The following LMX1A variants were observed in gnomAD, a reference collection of about 807,000 sequenced individuals.
LMX1A encodes the protein LIM homeobox transcription factor 1 alpha, also known as LIM homeobox transcription factor 1-alpha.
In LMX1A, 15 loss-of-function variants were observed where a neutral mutation model predicts 49.1. The observed-to-expected ratio is 0.31, with a 90% CI of 0.20 to 0.47. The LOEUF (loss-of-function observed/expected upper bound fraction) is 0.47. Among genes scored for constraint, LMX1A ranks in the 20% least tolerant of loss-of-function variants. The pLI is 1.00. For missense variants in LMX1A, 372 were observed against 475.8 expected (o/e 0.78, Z 2.03); for synonymous variants, 167 against 185.7 (o/e 0.90, Z 0.82).
intron 4 of LMX1A, among the ~76,000 whole-genome samples, chr1:165,246,820 A>ACAAGCACTCAAGATATGTCAACTGAT (rs1652864579): frequency 6.7e-6 from 1 of 150,076 alleles, no homozygotes; most frequent in Non-Finnish European, 1.5e-5. Flanking sequence ...TGTCATTCAT[A>ACAAGCACTCAAGATATGTCAACTGAT]TTTTGACTCT....
chr1:165,313,888 G>A (rs1655146731), intron 3 of LMX1A, among the ~76,000 whole-genome samples: 1 of 152,118 alleles, frequency 6.6e-6, no homozygotes, highest in Non-Finnish European at 1.5e-5. Context: ...TATCCCTGCA[G>A]GTAACAACAA....
rs1650945523 is a variant in LMX1A, at chr1:165,203,755, C to T, written c.*125G>A. 6.9e-6 allele frequency: 5 copies of T among 727,940 alleles called. No homozygotes were observed. The highest frequency in any genetic ancestry group is 5.3e-4 in the Middle Eastern group (2 of 3,796). The allele number at this position is 727,940 out of a possible 1,614,324, so 45.1% of individuals were successfully genotyped here. A position where few individuals can be genotyped will look rare whatever the true frequency, so the allele number is the denominator to read the frequency against. ...GCTACACCATATCATTATACAACAG[C>T]ATCCCCAACAAAACTCCCTCCCCAA... On this transcript the variant is annotated 3_prime_UTR_variant, in exon 9 of 9. Transcript: ENST00000342310.
intron 3 of LMX1A, among the ~76,000 whole-genome samples, chr1:165,350,173 CAAA>C (rs60150264): frequency 0.15 from 11,806 of 80,826 alleles, 361 homozygotes; most frequent in Non-Finnish European, 0.18. Context: ...AAAGATCCAC[CAAA>C]AAAAAAAAAA....
chr1:165,264,930 G>T (rs983196481), intron 3 of LMX1A, among the ~76,000 whole-genome samples: 4 of 151,980 alleles, frequency 2.6e-5, no homozygotes, highest in Non-Finnish European at 5.9e-5. Flanking sequence ...AAGGCCGGGC[G>T]CGGTGGCTCA....
At chr1:165,283,679 T>A (rs1191385395) in intron 3 of LMX1A, among the ~76,000 whole-genome samples, 2 of 152,260 alleles carry the variant, frequency 1.3e-5, no homozygotes, top group Non-Finnish European at 2.9e-5. Flanking sequence ...GCTTGTTTTC[T>A]CCAACTCGAA....
intron 3 of LMX1A, among the ~76,000 whole-genome samples, chr1:165,344,735 C>G (rs1170431490): frequency 6.6e-6 from 1 of 152,228 alleles, no homozygotes; most frequent in Non-Finnish European, 1.5e-5. Context: ...TCCAGGCCAT[C>G]AGAGCACTTG....
At chr1:165,210,446 G>A (rs1275826202) in intron 6 of LMX1A, among the ~76,000 whole-genome samples, 1 of 152,190 alleles carries the variant, frequency 6.6e-6, no homozygotes, top group African/African-American at 2.4e-5. Context: ...TATTCATACA[G>A]ATGGCTGGCC....
chr1:165,254,459 A>C (rs1045177028), intron 3 of LMX1A, among the ~76,000 whole-genome samples: 1 of 152,062 alleles, frequency 6.6e-6, no homozygotes. Context: ...TCTGGGTTCA[A>C]ACCAGATCAA....
intron 3 of LMX1A, among the ~76,000 whole-genome samples, chr1:165,306,306 G>T (rs1338823792): frequency 6.6e-6 from 1 of 152,150 alleles, no homozygotes; most frequent in Non-Finnish European, 1.5e-5. Flanking sequence ...TTCCACTTAG[G>T]TTGGGTTCAC....
chr1:165,202,940 A>G lies in LMX1A; in HGVS notation c.*940T>C, dbSNP rs777419035. 6.5e-6 allele frequency: 1 copy of G among 152,792 alleles called. No homozygotes were observed. Among genetic ancestry groups the G allele is most frequent in the Non-Finnish European group, 1.5e-5 (1 of 68,056 alleles). 9.5% of individuals were successfully genotyped at this position (152,792 alleles called of 1,614,324 possible). ...TGCTCATGTGTCCTGGGAATGAATT[A>G]AGCCTTGGTGTTTCCCAGTGAGGTA... On this transcript the variant is annotated 3_prime_UTR_variant, in exon 9 of 9. Transcript: ENST00000342310.
intron 3 of LMX1A, among the ~76,000 whole-genome samples, chr1:165,288,960 T>C (rs1201809864): frequency 6.6e-6 from 1 of 152,166 alleles, no homozygotes; most frequent in Non-Finnish European, 1.5e-5. Context: ...CTAGGTAATA[T>C]CCAACTGGCA....
chr1:165,327,229 C>A (rs1345545291), intron 3 of LMX1A, among the ~76,000 whole-genome samples: 1 of 152,054 alleles, frequency 6.6e-6, no homozygotes. Context: ...GGGAAAGGAC[C>A]ACAGAGGGAC....
In LMX1A at chr1:165,280,185, C is replaced by T. The variant is rs1487082212; in HGVS notation, c.264-30545G>A. On this transcript the variant is annotated intron_variant, in intron 3 of 8. Coordinates refer to ENST00000342310, the MANE Select transcript of LMX1A (RefSeq NM_177398.4). ...AGATTCGGGCTTATTGAAGCACTGA[C>T]TTGCTTTGCAGCCAGGGTCCCCATC... Among the ~76,000 whole-genome samples the T allele has an allele frequency of 1.3e-5, 2 of 152,228 alleles. 1 individual carries two copies. The highest frequency in any genetic ancestry group is 1.3e-4 in the Admixed American group (2 of 15,290).
At chr1:165,204,715 T>C (rs1016191600) in intron 8 of LMX1A, among the ~76,000 whole-genome samples, 5 of 152,208 alleles carry the variant, frequency 3.3e-5, no homozygotes, top group Admixed American at 1.3e-4. Flanking sequence ...GCTTTAAATA[T>C]TCATTTTATG....
intron 8 of LMX1A, among the ~76,000 whole-genome samples, chr1:165,204,816 T>C (rs371172296): frequency 3.3e-5 from 5 of 152,208 alleles, no homozygotes; most frequent in African/African-American, 9.6e-5. Flanking sequence ...TGTTTTCCGA[T>C]AGCTGTGGAG....
At chr1:165,231,784 T>TA (rs34597024) in intron 4 of LMX1A, among the ~76,000 whole-genome samples, 4 of 151,694 alleles carry the variant, frequency 2.6e-5, no homozygotes, top group Non-Finnish European at 4.4e-5. Context: ...TTACCTGTTC[T>TA]AAAAAAAAAT....
intron 4 of LMX1A, among the ~76,000 whole-genome samples, chr1:165,231,075 T>A (rs1652222918): frequency 1.3e-5 from 2 of 151,042 alleles, no homozygotes; most frequent in African/African-American, 4.9e-5. Context: ...TAGAAATAAT[T>A]AGGTTTTTTA....
chr1:165,313,138 TC>T (rs1453268066), intron 3 of LMX1A, among the ~76,000 whole-genome samples: 5 of 152,178 alleles, frequency 3.3e-5, no homozygotes, highest in Non-Finnish European at 5.9e-5. Flanking sequence ...GGTAAGTTCA[TC>T]CCAGCAGGAT....
intron 3 of LMX1A, among the ~76,000 whole-genome samples, chr1:165,347,242 C>G (rs780657209): frequency 6.6e-6 from 1 of 152,220 alleles, no homozygotes; most frequent in African/African-American, 2.4e-5. Flanking sequence ...TGCTCCAGAA[C>G]CTTTTCTACA....
Sources: gnomAD v4.1 joint callset for allele counts (sites outside exome capture counted in the v4.1 genomes callset) on GRCh38, gnomAD v4.1.1 for gene constraint, MANE v1.5 for transcripts, NCBI Gene and HGNC (gene_info 2026-07-23, HGNC 2026-07-21) for gene names.